Variants in ARL13B observed in about 807,000 individuals in gnomAD.
The protein encoded by ARL13B is ADP-ribosylation factor-like protein 13B.
In ARL13B, 36 loss-of-function variants were observed where a neutral mutation model predicts 56.1. The observed-to-expected ratio is 0.64, with a 90% CI of 0.49 to 0.85. The LOEUF (loss-of-function observed/expected upper bound fraction) is 0.85, where lower values mean the gene tolerates loss of function less well. ARL13B is among the 40% of genes least tolerant of loss of function. ARL13B has a pLI of 0.00. For synonymous variants in ARL13B, 178 were observed against 171.1 expected, an observed-to-expected ratio of 1.04 and a Z score of -0.32; for missense variants, 519 against 507.1, an observed-to-expected ratio of 1.02 and a Z score of -0.23.
intron 3 of ARL13B, among the ~76,000 whole-genome samples, chr3:94,034,242 A>G (rs1345079191): frequency 6.6e-6 from 1 of 152,212 alleles, no homozygotes; most frequent in East Asian, 1.9e-4. Context: ...AAAAAAAAGA[A>G]GGTATATAGA....
chr3:94,007,077 G>A (rs538115772), intron 3 of ARL13B, among the ~76,000 whole-genome samples: 188 of 152,160 alleles, frequency 1.2e-3, no homozygotes, highest in African/African-American at 4.0e-3. Context: ...TCTTCTGCCC[G>A]CGCCTTATCT....
chr3:94,037,211 G>A (rs1019227990), intron 5 of ARL13B, among the ~76,000 whole-genome samples: 1 of 152,134 alleles, frequency 6.6e-6, no homozygotes, highest in African/African-American at 2.4e-5. Context: ...GAATTATCAG[G>A]CTTAATATGT....
intron 3 of ARL13B, among the ~76,000 whole-genome samples, chr3:94,033,966 G>T (rs1350175852): frequency 6.6e-6 from 1 of 152,126 alleles, no homozygotes; most frequent in Non-Finnish European, 1.5e-5. Flanking sequence ...AGTCATGGGG[G>T]TGGTAGTGGG....
intron 5 of ARL13B, 40 bp from the exon 6 acceptor site, chr3:94,039,840 T>C: frequency 6.3e-7 from 1 of 1,581,464 alleles, no homozygotes; most frequent in Non-Finnish European, 8.7e-7. Flanking sequence ...GTTCAGCACT[T>C]TCTCAAAGGA....
chr3:94,026,725 T>G (rs369152034), intron 3 of ARL13B, among the ~76,000 whole-genome samples: 1 of 152,212 alleles, frequency 6.6e-6, no homozygotes, highest in Non-Finnish European at 1.5e-5. Flanking sequence ...CAGTCTGTTA[T>G]GTACCTTAAA....
chr3:94,039,857 A>G, intron 5 of ARL13B, 23 bp from the exon 6 acceptor site: 1 of 1,607,498 alleles, frequency 6.2e-7, no homozygotes, highest in Non-Finnish European at 8.5e-7. Context: ...AGGAAATTTC[A>G]ATTATTTTTC....
At chr3:93,997,112 G>GGGGTCCCACT (rs900972874) in intron 2 of ARL13B, among the ~76,000 whole-genome samples, 1 of 151,874 alleles carries the variant, frequency 6.6e-6, no homozygotes, top group African/African-American at 2.4e-5. Context: ...AAACAAGCTT[G>GGGGTCCCACT]GGGTCCCACT....
intron 2 of ARL13B, among the ~76,000 whole-genome samples, chr3:94,000,179 A>C (rs1185161635): frequency 1.3e-5 from 2 of 151,982 alleles, no homozygotes; most frequent in Non-Finnish European, 2.9e-5. Context: ...TCTCTTCCCA[A>C]CTCTATGTTT....
At chr3:94,047,999 GACAC>G (rs5850922) in intron 7 of ARL13B, 2,288 of 142,158 alleles carry the variant, frequency 0.016, 19 homozygotes, top group African/African-American at 0.028. Flanking sequence ...ACATTGCATA[GACAC>G]ACACACACAC....
chr3:94,014,887 A>C (rs2076296824), intron 3 of ARL13B: 2 of 1,613,570 alleles, frequency 1.2e-6, no homozygotes, highest in Admixed American at 1.7e-5. Flanking sequence ...CCTTGTGACC[A>C]CTGAAGATGG....
intron 6 of ARL13B, among the ~76,000 whole-genome samples, chr3:94,040,543 T>G (rs1187158328): frequency 6.6e-6 from 1 of 152,192 alleles, no homozygotes; most frequent in Non-Finnish European, 1.5e-5. Context: ...GGGTTGTGTG[T>G]GTGCGCGTCT....
chr3:93,991,639 G>A (rs1300990326), intron 1 of ARL13B, among the ~76,000 whole-genome samples: 3 of 152,184 alleles, frequency 2.0e-5, no homozygotes, highest in African/African-American at 4.8e-5. Flanking sequence ...GCAGAGTGCT[G>A]GGACTACAGG....
At position 93,980,471 on chromosome 3, in the gene ARL13B, G is replaced by C. The variant is rs765572735; in HGVS notation, c.48G>C (p.Arg16=). Residue 16 remains arginine (R), a synonymous_variant, in exon 1 of 10, where the codon CGG becomes CGC. Coordinates refer to ENST00000394222, the MANE Select transcript of ARL13B (RefSeq NM_001174150.2). ...ASCCGWFKRW[R]EPVRKVTLLM... ...GCTGCGGCTGGTTCAAGCGGTGGCG[G>C]GAGCCTGTCAGGTAGGCTGGAGCCA... 1.2e-6 allele frequency: 2 copies of C among 1,611,596 alleles called. No homozygotes were observed. Among genetic ancestry groups the C allele is most frequent in the South Asian group, 2.2e-5 (2 of 91,090 alleles).
intron 1 of ARL13B, among the ~76,000 whole-genome samples, chr3:93,989,304 G>A (rs534593938): frequency 4.6e-5 from 7 of 152,130 alleles, no homozygotes; most frequent in African/African-American, 7.2e-5. Flanking sequence ...AATGTTTGTT[G>A]TTTCTTTCAG....
intron 5 of ARL13B, among the ~76,000 whole-genome samples, chr3:94,037,426 A>G (rs2076788082): frequency 6.6e-6 from 1 of 152,164 alleles, no homozygotes; most frequent in African/African-American, 2.4e-5. Context: ...ACCGTGAAGG[A>G]AATCCTCTGA....
chr3:93,980,207 G>A lies in ARL13B; in HGVS notation c.-217G>A, dbSNP rs950012658. 4.3e-6 allele frequency: 3 copies of A among 704,422 alleles called. No individual in the cohort carries two copies. Among genetic ancestry groups the A allele is most frequent in the African/African-American group, 3.5e-5 (2 of 57,200 alleles). The allele number at this position is 704,422 out of a possible 1,614,324, so 43.6% of individuals were successfully genotyped here. On this transcript the variant is annotated 5_prime_UTR_variant, in exon 1 of 10. Coordinates refer to ENST00000394222, the MANE Select transcript of ARL13B (RefSeq NM_001174150.2). ...TCGGCTACGGTGTATCTGCGTCTTT[G>A]GTCAGGTTGTTCCTTGGCTAAGAGG...
chr3:93,980,268 A>T lies in ARL13B; in HGVS notation c.-156A>T. 1 of 922,354 alleles carries T rather than the reference A, an allele frequency of 1.1e-6. No homozygotes were observed. Among genetic ancestry groups the T allele is most frequent in the Non-Finnish European group, 1.7e-6 (1 of 582,042 alleles). 57.1% of individuals were successfully genotyped at this position (922,354 alleles called of 1,614,324 possible). A position where few individuals can be genotyped will look rare whatever the true frequency, so the allele number is the denominator to read the frequency against. On this transcript the variant is annotated 5_prime_UTR_variant, in exon 1 of 10. Transcript: ENST00000394222. ...CGGACCCACGCGGTTAGCAAGGCTT[A>T]GTGCTCGGGCCGGCCGCCTTCACTT...
chr3:93,980,421 G>T lies in ARL13B; in HGVS notation c.-3G>T. 1 of 1,612,244 alleles carries T rather than the reference G, an allele frequency of 6.2e-7. No individual in the cohort carries two copies. Among genetic ancestry groups the T allele is most frequent in the Non-Finnish European group, 8.5e-7 (1 of 1,179,964 alleles). Reference sequence around the variant, plus strand: ...TGGGAAGTGGTGGGAGGAGCGACCCGGGATGTTCAGTCTGATGGCCAGTTG... The same window carrying T: ...TGGGAAGTGGTGGGAGGAGCGACCCTGGATGTTCAGTCTGATGGCCAGTTG... On this transcript the variant is annotated 5_prime_UTR_variant, in exon 1 of 10. Coordinates refer to ENST00000394222, the MANE Select transcript of ARL13B (RefSeq NM_001174150.2).
At chr3:94,001,027 T>C (rs1022896891) in intron 2 of ARL13B, among the ~76,000 whole-genome samples, 4 of 152,190 alleles carry the variant, frequency 2.6e-5, no homozygotes, top group Admixed American at 2.0e-4. Flanking sequence ...CTATATACTT[T>C]GTGCTGAATG....
Sources: gnomAD v4.1 joint callset for allele counts (sites outside exome capture counted in the v4.1 genomes callset) on GRCh38, gnomAD v4.1.1 for gene constraint, MANE v1.5 for transcripts, NCBI Gene and HGNC (gene_info 2026-07-23, HGNC 2026-07-21) for gene names.